Variants in CTNND2 observed in about 807,000 individuals in gnomAD.
The protein encoded by CTNND2 is catenin delta 2, also known as catenin delta-2.
A neutral mutation model predicts 144.4 loss-of-function variants in CTNND2; 22 were observed. The observed-to-expected ratio is 0.15, with a 90% CI of 0.11 to 0.22. The LOEUF (loss-of-function observed/expected upper bound fraction) is 0.22. Among genes scored for constraint, CTNND2 ranks in the 10% least tolerant of loss-of-function variants. CTNND2 has a pLI of 1.00. For synonymous variants in CTNND2, 751 were observed against 695.6 expected, an observed-to-expected ratio of 1.08 and a Z score of -1.25; for missense variants, 1,353 against 1,618.8, an observed-to-expected ratio of 0.84 and a Z score of 2.82.
intron 3 of CTNND2, among the ~76,000 whole-genome samples, chr5:11,434,173 G>A (rs1763550807): frequency 6.6e-6 from 1 of 152,172 alleles, no homozygotes; most frequent in African/African-American, 2.4e-5. Context: ...ACATGCAGCA[G>A]CATGGAGGAA....
chr5:11,808,833 A>G (rs1792152829), intron 1 of CTNND2, among the ~76,000 whole-genome samples: 2 of 152,330 alleles, frequency 1.3e-5, no homozygotes, highest in East Asian at 1.9e-4. Context: ...AATAAGTTTT[A>G]TTGTATTTAT....
chr5:11,304,132 TTTATCAGCAGCATGAAGGGTATGTC>T (rs1486198644), intron 9 of CTNND2, among the ~76,000 whole-genome samples: 1 of 148,972 alleles, frequency 6.7e-6, no homozygotes, highest in Non-Finnish European at 1.5e-5. Context: ...TGAGTATGTC[TTTATCAGCAGCATGAAGGGTATGTC>T]TTTATCAGCA....
intron 12 of CTNND2, among the ~76,000 whole-genome samples, chr5:11,122,417 T>TC (rs1386595058): frequency 6.6e-6 from 1 of 152,080 alleles, no homozygotes; most frequent in African/African-American, 2.4e-5. Flanking sequence ...GGAAGAGCTT[T>TC]CACAGCCTGG....
At chr5:11,267,300 A>G (rs1212338811) in intron 9 of CTNND2, among the ~76,000 whole-genome samples, 1 of 152,114 alleles carries the variant, frequency 6.6e-6, no homozygotes, top group Non-Finnish European at 1.5e-5. Context: ...ATGGCTGGTG[A>G]TGGGTGATTT....
At chr5:11,795,060 C>T (rs567587606) in intron 1 of CTNND2, among the ~76,000 whole-genome samples, 1 of 152,276 alleles carries the variant, frequency 6.6e-6, no homozygotes, top group Admixed American at 6.5e-5. Context: ...TTAAAACGTT[C>T]TTCAGGGACC....
At chr5:11,518,973 CTCTCCTTTT>C (rs1208610075) in intron 3 of CTNND2, among the ~76,000 whole-genome samples, 1 of 152,056 alleles carries the variant, frequency 6.6e-6, no homozygotes, top group Non-Finnish European at 1.5e-5. Context: ...CGTCCACTGG[CTCTCCTTTT>C]TTTCCCTATT....
chr5:11,692,899 G>A (rs1784975279), intron 2 of CTNND2, among the ~76,000 whole-genome samples: 1 of 152,248 alleles, frequency 6.6e-6, no homozygotes, highest in Admixed American at 6.5e-5. Flanking sequence ...ACTGCACCCA[G>A]CTGGGTCAAC....
At chr5:11,030,786 T>C (rs1257363488) in intron 16 of CTNND2, among the ~76,000 whole-genome samples, 1 of 151,128 alleles carries the variant, frequency 6.6e-6, no homozygotes, top group South Asian at 2.1e-4. Context: ...AGTTTGTTTG[T>C]TGTTTTTCCT....
intron 9 of CTNND2, among the ~76,000 whole-genome samples, chr5:11,345,865 A>C (rs1387461049): frequency 6.6e-6 from 1 of 151,544 alleles, no homozygotes; most frequent in Non-Finnish European, 1.5e-5. Flanking sequence ...CATTTTTATC[A>C]GTCTTTAAAC....
At chr5:11,481,631 G>GAGAGAA (rs1561456526) in intron 3 of CTNND2, among the ~76,000 whole-genome samples, 1 of 152,048 alleles carries the variant, frequency 6.6e-6, no homozygotes, top group Non-Finnish European at 1.5e-5. Context: ...GACGGAGAGA[G>GAGAGAA]AGAGAAAGAG....
chr5:11,459,862 G>C (rs187814582), intron 3 of CTNND2, among the ~76,000 whole-genome samples: 122 of 152,258 alleles, frequency 8.0e-4, no homozygotes, highest in Non-Finnish European at 1.1e-3. Flanking sequence ...ACCTACAAAT[G>C]AATTCAGAAC....
At chr5:11,574,797 A>G (rs1581532566) in intron 2 of CTNND2, among the ~76,000 whole-genome samples, 1 of 152,188 alleles carries the variant, frequency 6.6e-6, no homozygotes, top group Non-Finnish European at 1.5e-5. Context: ...TTATACCACA[A>G]TAGAGAAAGC....
intron 12 of CTNND2, among the ~76,000 whole-genome samples, chr5:11,125,687 G>A (rs958361913): frequency 6.6e-5 from 10 of 152,294 alleles, no homozygotes; most frequent in African/African-American, 2.2e-4. Flanking sequence ...AAGAACAGAA[G>A]GTTTCACAGT....
Position 11,486,043 on chromosome 5 carries a change from C to G in CTNND2, c.288-73974G>C, listed in dbSNP as rs145309614. On this transcript the variant is annotated intron_variant, in intron 3 of 21. Coordinates refer to ENST00000304623, the MANE Select transcript of CTNND2 (RefSeq NM_001332.4). The stretch of plus-strand genomic sequence containing the variant: ...CCTATAAATAAAGAAGAAAAAAACA[C>G]CCAATTTGTAAAAATGGCCAAAATA... 2.7e-3 allele frequency among the ~76,000 whole-genome samples: 418 copies of G among 152,166 alleles called. 3 individuals carry two copies. Among genetic ancestry groups the G allele is most frequent in the African/African-American group, 9.2e-3 (383 of 41,510 alleles).
At chr5:11,902,827 T>A (rs1738019056) in intron 1 of CTNND2, among the ~76,000 whole-genome samples, 1 of 151,866 alleles carries the variant, frequency 6.6e-6, no homozygotes, top group Admixed American at 6.6e-5. Flanking sequence ...TGCCCCTCTA[T>A]CTCTCATCTC....
intron 2 of CTNND2, among the ~76,000 whole-genome samples, chr5:11,642,001 T>C (rs1220159745): frequency 6.6e-6 from 1 of 152,138 alleles, no homozygotes; most frequent in Non-Finnish European, 1.5e-5. Context: ...CTTTCTCTCA[T>C]TAAGGTTTAG....
At position 11,284,109 on chromosome 5, in the gene CTNND2, G is replaced by A. The variant is rs137953454; in HGVS notation, c.1629-47286C>T. ...TCACGCTCCTCTCTATTAGGAGAAT[G>A]TGGTTCTGAGCCGCATCAGGTGTTC... On this transcript the variant is annotated intron_variant, in intron 9 of 21. Transcript: ENST00000304623. 3.0e-3 allele frequency among the ~76,000 whole-genome samples: 450 copies of A among 152,246 alleles called. 2 individuals are homozygous for A. Among genetic ancestry groups the A allele is most frequent in the African/African-American group, 0.01 (421 of 41,524 alleles).
chr5:11,860,849 G>T (rs773280494), intron 1 of CTNND2, among the ~76,000 whole-genome samples: 44 of 152,116 alleles, frequency 2.9e-4, no homozygotes, highest in Non-Finnish European at 5.4e-4. Context: ...CAAATATAGG[G>T]CATTGTACCA....
At chr5:11,098,807 G>T in intron 14 of CTNND2, 59 bp from the exon 15 acceptor site, 1 of 1,551,146 alleles carries the variant, frequency 6.4e-7, no homozygotes, top group Non-Finnish European at 8.8e-7. Context: ...TCCCAACTTT[G>T]CCTTCCTCAA....
Sources: allele counts gnomAD v4.1 joint callset (sites outside exome capture counted in the v4.1 genomes callset), GRCh38; gene constraint gnomAD v4.1.1; transcripts MANE v1.5; gene names NCBI Gene and HGNC (gene_info 2026-07-23, HGNC 2026-07-21).